TMTC2: variants seen among roughly 807,000 people sequenced by gnomAD.
TMTC2 encodes protein O-mannosyl-transferase TMTC2.
TMTC2 carries 43 observed loss-of-function variants against 82.4 expected under a neutral mutation model. The ratio of observed to expected loss-of-function variants is 0.52; its 90% CI spans 0.41 to 0.67. TMTC2 has a LOEUF of 0.67. TMTC2 is among the 30% of genes least tolerant of loss of function. TMTC2 has a pLI of 0.00. For missense variants in TMTC2, 919 were observed against 1,012.4 expected (o/e 0.91, Z 1.25); for synonymous variants, 408 against 381.9 (o/e 1.07, Z -0.80).
chr12:82,827,318 A>C (rs565882647), intron 1 of TMTC2, among the ~76,000 whole-genome samples: 1 of 152,318 alleles, frequency 6.6e-6, no homozygotes, highest in African/African-American at 2.4e-5. Flanking sequence ...CACATCAACC[A>C]AGCACCTACT....
At chr12:82,799,820 G>A (rs991251373) in intron 1 of TMTC2, among the ~76,000 whole-genome samples, 13 of 152,072 alleles carry the variant, frequency 8.5e-5, no homozygotes, top group African/African-American at 2.9e-4. Flanking sequence ...GAATCCCTCA[G>A]AGTTGCTTAC....
At chr12:82,821,999 A>G (rs2137064262) in intron 1 of TMTC2, among the ~76,000 whole-genome samples, 1 of 152,296 alleles carries the variant, frequency 6.6e-6, no homozygotes, top group South Asian at 2.1e-4. Flanking sequence ...CAAAGAAATG[A>G]GCTATCAAGT....
intron 8 of TMTC2, among the ~76,000 whole-genome samples, chr12:82,993,602 C>T (rs971299452): frequency 3.3e-5 from 5 of 152,084 alleles, no homozygotes; most frequent in Non-Finnish European, 5.9e-5. Flanking sequence ...CACACAAACA[C>T]AGGCTATTAT....
At chr12:82,941,740 T>G (rs1282278339) in intron 4 of TMTC2, among the ~76,000 whole-genome samples, 1 of 152,046 alleles carries the variant, frequency 6.6e-6, no homozygotes, top group African/African-American at 2.4e-5. Flanking sequence ...TGTGGGATAA[T>G]GATTTTTTGT....
intron 1 of TMTC2, among the ~76,000 whole-genome samples, chr12:82,773,970 TG>T: frequency 6.6e-6 from 1 of 152,260 alleles, no homozygotes; most frequent in South Asian, 2.1e-4. Flanking sequence ...ATTTTTAAAA[TG>T]TAATAATTTG....
intron 1 of TMTC2, among the ~76,000 whole-genome samples, chr12:82,690,886 C>T (rs1872542251): frequency 6.6e-6 from 1 of 152,068 alleles, no homozygotes; most frequent in Non-Finnish European, 1.5e-5. Flanking sequence ...TGACCCAAAA[C>T]TCTCTGCATT....
chr12:82,874,252 T>G (rs1286263252), intron 2 of TMTC2, among the ~76,000 whole-genome samples: 1 of 152,152 alleles, frequency 6.6e-6, no homozygotes, highest in Admixed American at 6.6e-5. Context: ...GAGGCCTGAG[T>G]TCTCACACAG....
intron 1 of TMTC2, among the ~76,000 whole-genome samples, chr12:82,807,397 A>T (rs1408275342): frequency 6.6e-6 from 1 of 152,074 alleles, no homozygotes; most frequent in East Asian, 1.9e-4. Flanking sequence ...GTTCCCTTTC[A>T]TTCAGTGTCA....
intron 8 of TMTC2, among the ~76,000 whole-genome samples, chr12:82,987,153 A>G (rs919217064): frequency 6.6e-6 from 1 of 152,084 alleles, no homozygotes; most frequent in African/African-American, 2.4e-5. Context: ...TACCACTAAA[A>G]TACTCTTCAA....
intron 1 of TMTC2, among the ~76,000 whole-genome samples, chr12:82,724,601 G>A (rs1008013682): frequency 5.3e-5 from 8 of 152,144 alleles, no homozygotes; most frequent in Non-Finnish European, 8.8e-5. Flanking sequence ...GAGGAACTGT[G>A]AGTCAATTAA....
chr12:82,764,207 G>A (rs531239154), intron 1 of TMTC2, among the ~76,000 whole-genome samples: 1 of 152,140 alleles, frequency 6.6e-6, no homozygotes, highest in South Asian at 2.1e-4. Context: ...GCACAATCTC[G>A]GGTCACTGCA....
chr12:83,116,445 A>T (rs1485394009), intron 11 of TMTC2, among the ~76,000 whole-genome samples: 1 of 152,208 alleles, frequency 6.6e-6, no homozygotes, highest in Non-Finnish European at 1.5e-5. Flanking sequence ...TCCTCTGGGT[A>T]GATACCCACT....
intron 8 of TMTC2, among the ~76,000 whole-genome samples, chr12:83,017,568 A>G (rs1168378815): frequency 6.6e-6 from 1 of 152,206 alleles, no homozygotes; most frequent in Non-Finnish European, 1.5e-5. Flanking sequence ...AATGTGAACT[A>G]CACAGTTGAT....
At chr12:82,919,789 A>G (rs1875269714) in intron 3 of TMTC2, among the ~76,000 whole-genome samples, 1 of 152,230 alleles carries the variant, frequency 6.6e-6, no homozygotes, top group Non-Finnish European at 1.5e-5. Flanking sequence ...TCCATGTCCC[A>G]TATCCTGAGC....
intron 1 of TMTC2, among the ~76,000 whole-genome samples, chr12:82,852,250 C>T (rs748274186): frequency 1.1e-3 from 168 of 152,006 alleles, no homozygotes; most frequent in African/African-American, 2.1e-3. Flanking sequence ...TACAAGCGCC[C>T]GCCACCACGC....
At chr12:82,988,772 A>G (rs1450566822) in intron 8 of TMTC2, among the ~76,000 whole-genome samples, 1 of 150,612 alleles carries the variant, frequency 6.6e-6, no homozygotes, top group Non-Finnish European at 1.5e-5. Flanking sequence ...CACAGTAAGG[A>G]AAAGGTTTTC....
At chr12:82,940,174 A>C (rs1876634531) in intron 4 of TMTC2, among the ~76,000 whole-genome samples, 2 of 151,348 alleles carry the variant, frequency 1.3e-5, no homozygotes, top group African/African-American at 2.4e-5. Flanking sequence ...TGCGCCACCA[A>C]GCCTGGCTAA....
chr12:83,129,984 C>A (rs1044748530), intron 11 of TMTC2, among the ~76,000 whole-genome samples: 1 of 152,166 alleles, frequency 6.6e-6, no homozygotes, highest in South Asian at 2.1e-4. Context: ...TAGGTGCAGA[C>A]ACTTTGGTAA....
intron 9 of TMTC2, among the ~76,000 whole-genome samples, chr12:83,032,946 AACCC>A (rs1881502453): frequency 6.6e-6 from 1 of 152,158 alleles, no homozygotes; most frequent in African/African-American, 2.4e-5. Flanking sequence ...TTCTTCTTAG[AACCC>A]TTGGATTGTT....
Sources: allele counts gnomAD v4.1 joint callset (sites outside exome capture counted in the v4.1 genomes callset), GRCh38; gene constraint gnomAD v4.1.1; transcripts MANE v1.5; gene names NCBI Gene and HGNC (gene_info 2026-07-23, HGNC 2026-07-21).